Variants in TMED5 observed in about 807,000 individuals in gnomAD.
The protein encoded by TMED5 is transmembrane p24 trafficking protein 5.
TMED5 carries 27 observed loss-of-function variants against 23.0 expected under a neutral mutation model. The observed-to-expected ratio is 1.17, with a 90% CI of 0.86 to 1.62. The LOEUF (loss-of-function observed/expected upper bound fraction) is 1.62. Among genes scored for constraint, TMED5 ranks in the 40% most tolerant of loss-of-function variants. The pLI is 0.00. For synonymous variants in TMED5, 97 were observed against 100.8 expected, an observed-to-expected ratio of 0.96 and a Z score of 0.23; for missense variants, 248 against 273.7, an observed-to-expected ratio of 0.91 and a Z score of 0.66.
At position 93,160,063 on chromosome 1, in the gene TMED5, C is replaced by G. The variant is rs1216641782; in HGVS notation, c.287+66G>C. ...ATGTAGTATCAAATGTGCTAACTTT[C>G]CATGCCCTGCAGATAACCCACTGGT... On this transcript the variant is annotated intron_variant, in intron 2 of 3. Coordinates refer to ENST00000370282, the MANE Select transcript of TMED5 (RefSeq NM_016040.5). 4.3e-6 allele frequency: 4 copies of G among 921,050 alleles called. No individual in the cohort carries two copies. In the East Asian group the frequency reaches 9.9e-5, roughly 23 times the overall value. 57.1% of individuals were successfully genotyped at this position (921,050 alleles called of 1,614,324 possible).
chr1:93,155,924 A>G, intron 3 of TMED5: 1 of 544,890 alleles, frequency 1.8e-6, no homozygotes, highest in Non-Finnish European at 3.1e-6. Flanking sequence ...ATACCACAAA[A>G]TAGTTGTGAA....
intron 1 of TMED5, chr1:93,162,020 G>T (rs979509090): frequency 2.0e-5 from 3 of 149,252 alleles, no homozygotes; most frequent in Admixed American, 6.7e-5. Flanking sequence ...CTTTCCCTGC[G>T]TTTTCTCTTC....
At chr1:93,165,361 A>G (rs961404214) in intron 1 of TMED5, among the ~76,000 whole-genome samples, 1 of 152,214 alleles carries the variant, frequency 6.6e-6, no homozygotes, top group African/African-American at 2.4e-5. Context: ...TAATCTAATA[A>G]ATAGATCATT....
At position 93,173,385 on chromosome 1, in the gene TMED5, G is replaced by A. The variant is rs547056305; in HGVS notation, c.189+6669C>T. On this transcript the variant is annotated intron_variant, in intron 1 of 3. Transcript: ENST00000370282. ...AGCTAATGATGTAGAAGATAGAGCT[G>A]AAGAAATTATCCATAAAATAGGAGA... Among the ~76,000 whole-genome samples, 3 of 152,286 alleles carry A rather than the reference G, an allele frequency of 2.0e-5. No individual in the cohort carries two copies. The South Asian group carries it at 6.2e-4, about 32-fold the overall frequency.
chr1:93,152,691 T>C lies in TMED5; in HGVS notation c.*1979A>G, dbSNP rs1221071185. On this transcript the variant is annotated 3_prime_UTR_variant, in exon 4 of 4. Transcript: ENST00000370282. ...TACAGTAACAGCCATACAGGAGAGG[T>C]AGAATTCTTAATCACAGTTTTATAG... is the stretch of plus-strand genomic sequence containing the variant. 6.6e-6 allele frequency: 1 copy of C among 152,432 alleles called. No homozygotes were observed. Among genetic ancestry groups the C allele is most frequent in the African/African-American group, 2.4e-5 (1 of 41,372 alleles). 9.4% of individuals were successfully genotyped at this position (152,432 alleles called of 1,614,324 possible). A position where few individuals can be genotyped will look rare whatever the true frequency, so the allele number is the denominator to read the frequency against.
intron 1 of TMED5, among the ~76,000 whole-genome samples, chr1:93,176,505 C>A (rs1648918192): frequency 1.1e-5 from 1 of 91,862 alleles, no homozygotes; most frequent in African/African-American, 4.0e-5. Flanking sequence ...AGGGCACAGA[C>A]TATACACACA....
At chr1:93,155,008 G>A (rs1648012592) in intron 3 of TMED5, 120 bp from the exon 4 acceptor site, 1 of 699,206 alleles carries the variant, frequency 1.4e-6, no homozygotes, top group Non-Finnish European at 2.4e-6. Context: ...GGAGACTAGG[G>A]CAGGAGGACC....
Position 93,160,213 on chromosome 1 carries a change from G to A in TMED5, c.203C>T (p.Ala68Val). The A allele has an allele frequency of 1.2e-6, 2 of 1,608,870 alleles. No individual in the cohort carries two copies. Among genetic ancestry groups the A allele is most frequent in the Non-Finnish European group, 1.7e-6 (2 of 1,176,240 alleles). ...AAGATGGAAATCAATATCTAATCCT[G>A]CTCCATCTAAAACCTGTAGAAAAGC... is the stretch of plus-strand genomic sequence containing the variant. The part of the protein sequence containing the change: ...LEIEYQVLDG[A>V]GLDIDFHLAS... Residue 68 changes from alanine to valine, a missense_variant, in exon 2 of 4, where the codon GCA becomes GTA. Transcript: ENST00000370282.
chr1:93,180,231 C>G lies in TMED5; in HGVS notation c.12G>C (p.Lys4Asn), dbSNP rs769954339. 6.2e-7 allele frequency: 1 copy of G among 1,611,186 alleles called. No homozygotes were observed. Among genetic ancestry groups the G allele is most frequent in the Non-Finnish European group, 8.5e-7 (1 of 1,179,156 alleles). Residue 4 changes from lysine to asparagine, a missense_variant, in exon 1 of 4, where the codon AAG becomes AAC. Lys to Asn is a moderately conservative substitution (Grantham distance 94). Coordinates refer to ENST00000370282, the MANE Select transcript of TMED5 (RefSeq NM_016040.5). ...GGAGCACGGGGAAGGGCAGCCAGAT[C>G]TTGTCGCCCATCCCTGCTGGGGCGA... MGDKIWLPFPVLLL... is the reference protein window; with the variant it reads MGDNIWLPFPVLLL...
At chr1:93,178,231 A>G (rs1649000135) in intron 1 of TMED5, among the ~76,000 whole-genome samples, 1 of 151,948 alleles carries the variant, frequency 6.6e-6, no homozygotes, top group Non-Finnish European at 1.5e-5. Context: ...TGCTACTCCC[A>G]CCCTAGACTT....
In TMED5 at chr1:93,151,274, T is replaced by C. The variant is rs1184983497; in HGVS notation, c.*3396A>G. 6.6e-6 allele frequency: 1 copy of C among 152,210 alleles called. No individual in the cohort carries two copies. The highest frequency in any genetic ancestry group is 2.4e-5 in the African/African-American group (1 of 41,456). 9.4% of individuals were successfully genotyped at this position (152,210 alleles called of 1,614,324 possible). A position where few individuals can be genotyped will look rare whatever the true frequency, so the allele number is the denominator to read the frequency against. On this transcript the variant is annotated 3_prime_UTR_variant, in exon 4 of 4. Transcript: ENST00000370282. Reference sequence around the variant, plus strand: ...CCTAAGGATTTCTACCAGCTTGTGGTAGAAGAGTGGCTTGTCTGGATGGTT... The same window carrying C: ...CCTAAGGATTTCTACCAGCTTGTGGCAGAAGAGTGGCTTGTCTGGATGGTT...
chr1:93,178,870 A>C (rs187578052), intron 1 of TMED5, among the ~76,000 whole-genome samples: 7 of 152,244 alleles, frequency 4.6e-5, no homozygotes, highest in Admixed American at 4.6e-4. Flanking sequence ...TTAAAAAATT[A>C]ACATTTGATG....
intron 1 of TMED5, among the ~76,000 whole-genome samples, chr1:93,166,616 T>A (rs983655879): frequency 2.6e-5 from 4 of 152,316 alleles, no homozygotes; most frequent in South Asian, 4.1e-4. Context: ...AGATTAGATT[T>A]TTTTTCCTGT....
intron 2 of TMED5, chr1:93,158,881 T>C (rs1332495604): frequency 8.4e-6 from 8 of 947,956 alleles, no homozygotes; most frequent in African/African-American, 1.8e-5. Context: ...TTACTTCTTA[T>C]ACACCTATCA....
At chr1:93,165,106 G>A (rs1648447190) in intron 1 of TMED5, among the ~76,000 whole-genome samples, 1 of 152,222 alleles carries the variant, frequency 6.6e-6, no homozygotes, top group South Asian at 2.1e-4. Flanking sequence ...ACAACCATGA[G>A]TGAGTTTGGA....
In TMED5 at chr1:93,151,892, A is replaced by G. The variant is rs1193904224; in HGVS notation, c.*2778T>C. On this transcript the variant is annotated 3_prime_UTR_variant, in exon 4 of 4. Coordinates refer to ENST00000370282, the MANE Select transcript of TMED5 (RefSeq NM_016040.5). ...TATTATATACATATCAGTACTCACA[A>G]TACGTTGCTTATTTAAGATGGCTGT... 1 of 152,242 alleles carries G rather than the reference A, an allele frequency of 6.6e-6. No homozygotes were observed. Among genetic ancestry groups the G allele is most frequent in the African/African-American group, 2.4e-5 (1 of 41,466 alleles). 9.4% of individuals were successfully genotyped at this position (152,242 alleles called of 1,614,324 possible). A position where few individuals can be genotyped will look rare whatever the true frequency, so the allele number is the denominator to read the frequency against.
Position 93,150,936 on chromosome 1 carries a change from A to C in TMED5, c.*3734T>G, listed in dbSNP as rs957245122. 2.0e-5 allele frequency: 3 copies of C among 152,230 alleles called. No individual in the cohort carries two copies. Among genetic ancestry groups the C allele is most frequent in the Admixed American group, 6.5e-5 (1 of 15,272 alleles). The allele number at this position is 152,230 out of a possible 1,614,324, so 9.4% of individuals were successfully genotyped here. A position where few individuals can be genotyped will look rare whatever the true frequency, so the allele number is the denominator to read the frequency against. On this transcript the variant is annotated 3_prime_UTR_variant, in exon 4 of 4. Transcript: ENST00000370282. ...AATAAATCTAAGCTTGTTAAAACAG[A>C]AACAAAAACAACACAAGTACTAAAA... is the stretch of plus-strand genomic sequence containing the variant.
intron 1 of TMED5, among the ~76,000 whole-genome samples, chr1:93,171,260 C>T (rs1209034955): frequency 6.6e-6 from 1 of 152,152 alleles, no homozygotes; most frequent in African/African-American, 2.4e-5. Context: ...AGCGAGACCA[C>T]AAACCCACCA....
At chr1:93,169,680 AAAAAGAG>A (rs1648636563) in intron 1 of TMED5, among the ~76,000 whole-genome samples, 1 of 152,288 alleles carries the variant, frequency 6.6e-6, no homozygotes, top group African/African-American at 2.4e-5. Flanking sequence ...AACCAAGAAA[AAAAAGAG>A]AAAAGACACA....
Sources: allele counts gnomAD v4.1 joint callset (sites outside exome capture counted in the v4.1 genomes callset), GRCh38; gene constraint gnomAD v4.1.1; transcripts MANE v1.5; gene names NCBI Gene and HGNC (gene_info 2026-07-23, HGNC 2026-07-21).